Variants in PCDH9 observed in about 807,000 individuals in gnomAD.
The protein encoded by PCDH9 is protocadherin 9.
In PCDH9, 24 loss-of-function variants were observed where a neutral mutation model predicts 70.6. The ratio of observed to expected loss-of-function variants is 0.34; its 90% CI spans 0.25 to 0.48. PCDH9 has a LOEUF of 0.48. Among genes scored for constraint, PCDH9 ranks in the 20% least tolerant of loss-of-function variants. The probability of loss-of-function intolerance (pLI) is 0.99; values close to 1 mark genes in which losing one functional copy is unlikely to be tolerated. For synonymous variants in PCDH9, 562 were observed against 558.5 expected, an observed-to-expected ratio of 1.01 and a Z score of -0.09; for missense variants, 1,281 against 1,503.6, an observed-to-expected ratio of 0.85 and a Z score of 2.45.
chr13:66,365,211 A>G (rs916596706), intron 4 of PCDH9, among the ~76,000 whole-genome samples: 4 of 152,200 alleles, frequency 2.6e-5, no homozygotes, highest in Non-Finnish European at 5.9e-5. Flanking sequence ...AAGCCGCTAC[A>G]GCAGGCAGGG....
At chr13:67,086,003 C>T (rs1487772426) in intron 2 of PCDH9, among the ~76,000 whole-genome samples, 19 of 152,088 alleles carry the variant, frequency 1.2e-4, no homozygotes, top group Admixed American at 1.2e-3. Context: ...CTATAGTTTT[C>T]TCCCTAATCA....
At chr13:66,584,364 A>T (rs1316849800) in intron 4 of PCDH9, among the ~76,000 whole-genome samples, 1 of 152,202 alleles carries the variant, frequency 6.6e-6, no homozygotes, top group African/African-American at 2.4e-5. Flanking sequence ...ATCATTGAGT[A>T]CAGAATTTCT....
chr13:67,198,836 T>A (rs1481946529), intron 2 of PCDH9, among the ~76,000 whole-genome samples: 1 of 151,846 alleles, frequency 6.6e-6, no homozygotes, highest in Non-Finnish European at 1.5e-5. Context: ...AATATTTAAA[T>A]AGCAAAAGTG....
chr13:66,520,077 A>C (rs1280581734), intron 4 of PCDH9, among the ~76,000 whole-genome samples: 1 of 152,084 alleles, frequency 6.6e-6, no homozygotes, highest in Non-Finnish European at 1.5e-5. Context: ...GAGAGGGAAC[A>C]CGGTGCCTCA....
At chr13:66,410,626 T>C (rs1039821595) in intron 4 of PCDH9, among the ~76,000 whole-genome samples, 2 of 152,172 alleles carry the variant, frequency 1.3e-5, no homozygotes, top group African/African-American at 4.8e-5. Context: ...GCAGGTTAGC[T>C]CCTGCAGGAC....
chr13:66,677,503 T>C (rs1276392749), intron 3 of PCDH9, among the ~76,000 whole-genome samples: 2 of 152,078 alleles, frequency 1.3e-5, no homozygotes, highest in Non-Finnish European at 2.9e-5. Flanking sequence ...GTAGAGCCCA[T>C]TGGGAGGTGT....
chr13:66,637,858 G>T (rs993397703), intron 3 of PCDH9, among the ~76,000 whole-genome samples: 1 of 151,166 alleles, frequency 6.6e-6, no homozygotes, highest in African/African-American at 2.4e-5. Context: ...AGCTTGCAGT[G>T]AGCCGAGATC....
intron 2 of PCDH9, among the ~76,000 whole-genome samples, chr13:67,197,214 T>G (rs1036886049): frequency 1.3e-5 from 2 of 152,024 alleles, no homozygotes; most frequent in African/African-American, 4.8e-5. Flanking sequence ...GGTAATAGCC[T>G]CAATTATATA....
intron 3 of PCDH9, among the ~76,000 whole-genome samples, chr13:66,827,559 C>T (rs1212964643): frequency 6.6e-6 from 1 of 152,032 alleles, no homozygotes; most frequent in East Asian, 1.9e-4. Context: ...AAGTTTCAGG[C>T]ACCTGCTAAA....
intron 4 of PCDH9, among the ~76,000 whole-genome samples, chr13:66,367,076 T>G (rs2138206797): frequency 6.6e-6 from 1 of 152,298 alleles, no homozygotes; most frequent in South Asian, 2.1e-4. Flanking sequence ...CAACATTAAT[T>G]TTTAAATTTA....
Position 67,226,907 on chromosome 13 carries a change from C to A in PCDH9, c.1534G>T (p.Ala512Ser), listed in dbSNP as rs774082391. 2.1e-5 allele frequency: 34 copies of A among 1,614,190 alleles called. No homozygotes were observed. Among genetic ancestry groups the A allele is most frequent in the Non-Finnish European group, 2.9e-5 (34 of 1,180,010 alleles). The change falls in exon 2 of 5, where the codon GCC becomes TCC. Residue 512 changes from alanine (A) to serine (S), a missense_variant. Around this residue, in one of 4 missense-constraint regions of PCDH9, gnomAD observed 798 missense variants for 1,003.1 expected, o/e 0.80. Transcript: ENST00000377865. The surrounding 1 kb of genome is among the most constrained non-coding windows in gnomAD (Gnocchi z 5.0). The stretch of plus-strand genomic sequence containing the variant: ...TTTCGGTCCAGATCAAAGAAGGAGG[C>A]ATTCGGTCCAAGCTGATAAACAATG... ...ADIVYQLGPN[A>S]SFFDLDRKTG... is the part of the protein sequence containing the mutation.
chr13:67,075,318 T>C (rs977694749), intron 2 of PCDH9, among the ~76,000 whole-genome samples: 1 of 152,048 alleles, frequency 6.6e-6, no homozygotes, highest in Non-Finnish European at 1.5e-5. Flanking sequence ...ATTGGTCAGT[T>C]ATAAAAGGAA....
intron 3 of PCDH9, among the ~76,000 whole-genome samples, chr13:66,643,484 G>T (rs965317036): frequency 6.6e-6 from 1 of 151,978 alleles, no homozygotes; most frequent in Non-Finnish European, 1.5e-5. Context: ...ACATTTCAGC[G>T]ATAACCGCTA....
chr13:66,417,814 G>A (rs1957488257), intron 4 of PCDH9, among the ~76,000 whole-genome samples: 2 of 152,126 alleles, frequency 1.3e-5, no homozygotes, highest in Admixed American at 1.3e-4. Flanking sequence ...CTTTTGAAAA[G>A]TGTCTGTTCA....
chr13:67,018,318 A>G (rs1196530132), intron 2 of PCDH9, among the ~76,000 whole-genome samples: 1 of 152,098 alleles, frequency 6.6e-6, no homozygotes. Flanking sequence ...ATAAATAAAT[A>G]AAATATATGA....
intron 3 of PCDH9, among the ~76,000 whole-genome samples, chr13:66,801,984 C>T (rs1045402196): frequency 2.2e-5 from 3 of 137,608 alleles, no homozygotes; most frequent in African/African-American, 5.2e-5. Flanking sequence ...TGCATGTAGA[C>T]CAGGTGTTTT....
At chr13:66,408,232 G>C (rs1254735852) in intron 4 of PCDH9, among the ~76,000 whole-genome samples, 1 of 151,786 alleles carries the variant, frequency 6.6e-6, no homozygotes. Context: ...CTAATTTTTT[G>C]TATTTTTAGT....
chr13:67,086,397 T>C (rs2086108294), intron 2 of PCDH9, among the ~76,000 whole-genome samples: 1 of 152,222 alleles, frequency 6.6e-6, no homozygotes, highest in Admixed American at 6.5e-5. Flanking sequence ...AATTGCTATG[T>C]AAATATCAGT....
intron 4 of PCDH9, among the ~76,000 whole-genome samples, chr13:66,555,415 T>TG (rs1555305905): frequency 0.25 from 9,180 of 36,488 alleles, 358 homozygotes; most frequent in Non-Finnish European, 0.43. Context: ...GGCTACATTC[T>TG]GGGGAAAAAA....
Sources: allele counts gnomAD v4.1 joint callset (sites outside exome capture counted in the v4.1 genomes callset), GRCh38; gene constraint gnomAD v4.1.1; regional missense constraint gnomAD v4.1.1; non-coding constraint Gnocchi (gnomAD v3.1); transcripts MANE v1.5; gene names NCBI Gene and HGNC (gene_info 2026-07-23, HGNC 2026-07-21).